UGT1A8: variants seen among roughly 807,000 people sequenced by gnomAD.
The protein encoded by UGT1A8 is UDP-glucuronosyltransferase 1A8.
In UGT1A8, 39 loss-of-function variants were observed where a neutral mutation model predicts 45.3. The observed-to-expected ratio is 0.86, with a 90% CI of 0.67 to 1.12. The LOEUF (loss-of-function observed/expected upper bound fraction) is 1.12, where lower values mean the gene tolerates loss of function less well. Among genes scored for constraint, UGT1A8 ranks in the 50% most tolerant of loss-of-function variants. The pLI, the probability that UGT1A8 is intolerant of heterozygous loss-of-function variation, is 0.00. For missense variants in UGT1A8, 719 were observed against 664.9 expected (o/e 1.08, Z -0.90); for synonymous variants, 275 against 249.2 (o/e 1.10, Z -0.97).
At chr2:233,620,632 G>A (rs1005720858) in intron 1 of UGT1A8, among the ~76,000 whole-genome samples, 6 of 152,140 alleles carry the variant, frequency 3.9e-5, no homozygotes, top group East Asian at 3.8e-4. Context: ...ATGTATGAAA[G>A]TTTTTATACT....
chr2:233,751,650 C>G (rs1180947781), intron 1 of UGT1A8, among the ~76,000 whole-genome samples: 1 of 152,190 alleles, frequency 6.6e-6, no homozygotes, highest in African/African-American at 2.4e-5. Context: ...TTGCTGTTCT[C>G]ATCCTACTGA....
intron 1 of UGT1A8, among the ~76,000 whole-genome samples, chr2:233,732,581 G>T (rs2078286817): frequency 6.6e-6 from 1 of 152,170 alleles, no homozygotes; most frequent in African/African-American, 2.4e-5. Flanking sequence ...CCCATTGCTT[G>T]TTTTTGTCAG....
rs188392327 is a variant in UGT1A8, at chr2:233,651,485, G to A, written c.855+32923G>A. Among the ~76,000 whole-genome samples, 760 of 152,278 alleles carry A rather than the reference G, an allele frequency of 5.0e-3. 15 individuals carry two copies. Among genetic ancestry groups the A allele is most frequent in the Non-Finnish European group, 2.0e-3 (139 of 68,020 alleles). On this transcript the variant is annotated intron_variant, in intron 1 of 4. Coordinates refer to ENST00000373450, the MANE Select transcript of UGT1A8 (RefSeq NM_019076.5). ...GGTATGTATAAGAGGTTTTATAGAA[G>A]TGGAAAGTTATATTTTTTGCATATC...
intron 1 of UGT1A8, among the ~76,000 whole-genome samples, chr2:233,751,287 T>G (rs1462877412): frequency 6.6e-6 from 1 of 151,922 alleles, no homozygotes; most frequent in Admixed American, 6.5e-5. Context: ...GTTTCTCCCA[T>G]TTGGAATGGG....
At chr2:233,747,994 T>C (rs11888459) in intron 1 of UGT1A8, 570,680 of 1,612,980 alleles carry the variant, frequency 0.35, 103,977 homozygotes, top group African/African-American at 0.43. Context: ...CGAGGGGACT[T>C]TGTGATGGAT....
At chr2:233,692,695 T>A in intron 1 of UGT1A8, 1 of 372,950 alleles carries the variant, frequency 2.7e-6, no homozygotes, top group Non-Finnish European at 3.7e-6. Context: ...CTCAGGGGTC[T>A]CTCCAAGTCA....
chr2:233,747,312 G>T, intron 1 of UGT1A8: 1 of 1,603,228 alleles, frequency 6.2e-7, no homozygotes, highest in Non-Finnish European at 8.5e-7. Context: ...AGGTGCTGGT[G>T]GTACCCATTG....
At chr2:233,748,872 G>A (rs1337715059) in intron 1 of UGT1A8, among the ~76,000 whole-genome samples, 3 of 151,552 alleles carry the variant, frequency 2.0e-5, no homozygotes, top group Non-Finnish European at 4.4e-5. Context: ...GCTGGGGACG[G>A]TGATGAATGG....
chr2:233,686,504 G>A (rs1053789144), intron 1 of UGT1A8, among the ~76,000 whole-genome samples: 1 of 152,032 alleles, frequency 6.6e-6, no homozygotes, highest in Admixed American at 6.5e-5. Flanking sequence ...GGTGAGCCCA[G>A]GTGGAGCCTC....
chr2:233,695,328 G>A lies in UGT1A8; in HGVS notation c.856-71706G>A, dbSNP rs377270766. Among the ~76,000 whole-genome samples, 90 of 151,830 alleles carry A rather than the reference G, an allele frequency of 5.9e-4. 2 individuals are homozygous for A. In the South Asian group the frequency reaches 0.017, roughly 29 times the overall value. ...TTTAGTAGAGGCGGGGTTTCACCAC[G>A]TTGGCCAGGATGGTCTCAATCTCTT... On this transcript the variant is annotated intron_variant, in intron 1 of 4. Transcript: ENST00000373450.
At chr2:233,738,832 A>G (rs6431628) in intron 1 of UGT1A8, 84,103 of 152,154 alleles carry the variant, frequency 0.55, 25,404 homozygotes, top group African/African-American at 0.81. Context: ...ATAAGGAGGA[A>G]CCAAATGTTA....
chr2:233,633,944 T>A (rs982369208), intron 1 of UGT1A8, among the ~76,000 whole-genome samples: 3 of 152,240 alleles, frequency 2.0e-5, no homozygotes, highest in Non-Finnish European at 2.9e-5. Flanking sequence ...CTGTGGGCAT[T>A]TAGTGCTATA....
At chr2:233,627,956 A>G (rs1177156453) in intron 1 of UGT1A8, among the ~76,000 whole-genome samples, 1 of 152,138 alleles carries the variant, frequency 6.6e-6, no homozygotes, top group Non-Finnish European at 1.5e-5. Context: ...CATGCAATTT[A>G]TTGGAGAGAT....
chr2:233,620,105 G>A (rs1349457866), intron 1 of UGT1A8, among the ~76,000 whole-genome samples: 2 of 152,142 alleles, frequency 1.3e-5, no homozygotes, highest in African/African-American at 4.8e-5. Flanking sequence ...AGTAGACTTT[G>A]TAACAGTCAT....
At position 233,730,468 on chromosome 2, in the gene UGT1A8, C is replaced by T. The variant is rs1456755301; in HGVS notation, c.856-36566C>T. ...TGATAGACAGGTGACCACAGGAGAC[C>T]TAGGCACTCACATGAAATAGAAGTG... On this transcript the variant is annotated intron_variant, in intron 1 of 4. Coordinates refer to ENST00000373450, the MANE Select transcript of UGT1A8 (RefSeq NM_019076.5). 5.3e-5 allele frequency among the ~76,000 whole-genome samples: 8 copies of T among 152,226 alleles called. No individual in the cohort carries two copies. In the East Asian group the frequency reaches 1.3e-3, roughly 26 times the overall value.
rs371763780 is a variant in UGT1A8 at position 233,751,446 on chromosome 2, A to G, written c.856-15588A>G. Among the ~76,000 whole-genome samples, 1,356 of 152,090 alleles carry G rather than the reference A, an allele frequency of 8.9e-3. 29 individuals are homozygous for G. Among genetic ancestry groups the G allele is most frequent in the African/African-American group, 0.031 (1,276 of 41,348 alleles). On this transcript the variant is annotated intron_variant, in intron 1 of 4. Transcript: ENST00000373450. Reference sequence around the variant, plus strand: ...TGCTGAAATGAGTTAAGACTTTGGAAGATTGTTGGGAAGGCACGATTGGTT... The same window carrying G: ...TGCTGAAATGAGTTAAGACTTTGGAGGATTGTTGGGAAGGCACGATTGGTT...
chr2:233,636,566 G>T, intron 1 of UGT1A8: 1 of 1,614,144 alleles, frequency 6.2e-7, no homozygotes, highest in Non-Finnish European at 8.5e-7. Flanking sequence ...TTATGTGTGT[G>T]TCTACTGCTG....
chr2:233,725,567 G>A (rs1036939921), intron 1 of UGT1A8, among the ~76,000 whole-genome samples: 32 of 151,948 alleles, frequency 2.1e-4, no homozygotes, highest in African/African-American at 5.6e-4. Flanking sequence ...ACATATATTC[G>A]ATATAAGATT....
intron 1 of UGT1A8, among the ~76,000 whole-genome samples, chr2:233,657,601 C>T (rs1257882931): frequency 2.0e-5 from 3 of 152,210 alleles, no homozygotes; most frequent in East Asian, 1.9e-4. Context: ...CTAAGCCCCA[C>T]CTCCAACATT....
Sources: allele counts gnomAD v4.1 joint callset (sites outside exome capture counted in the v4.1 genomes callset), GRCh38; gene constraint gnomAD v4.1.1; transcripts MANE v1.5; gene names NCBI Gene and HGNC (gene_info 2026-07-23, HGNC 2026-07-21).